MS4A10: variants seen among roughly 807,000 people sequenced by gnomAD.
The protein encoded by MS4A10 is membrane spanning 4-domains A10.
MS4A10 carries 27 observed loss-of-function variants against 27.7 expected under a neutral mutation model. The ratio of observed to expected loss-of-function variants is 0.98; its 90% CI spans 0.72 to 1.35. MS4A10 has a LOEUF of 1.35. MS4A10 is among the 40% of genes most tolerant of loss of function. MS4A10 has a pLI of 0.00. For missense variants in MS4A10, 338 were observed against 324.7 expected, an observed-to-expected ratio of 1.04 and a Z score of -0.32; for synonymous variants, 139 against 131.2, an observed-to-expected ratio of 1.06 and a Z score of -0.41.
chr11:60,794,213 G>T, intron 5 of MS4A10, 110 bp downstream of exon 5: 1 of 1,318,674 alleles, frequency 7.6e-7, no homozygotes, highest in Non-Finnish European at 1.1e-6. Context: ...GCCCAGGTGT[G>T]GGCTGCTGGG....
At position 60,800,927 on chromosome 11, in the gene MS4A10, G is replaced by C. The variant is rs1854626166; in HGVS notation, c.*1018G>C. 4 of 151,544 alleles carry C rather than the reference G, an allele frequency of 2.6e-5. No homozygotes were observed. In the Admixed American group the frequency reaches 2.6e-4, roughly 10 times the overall value. 9.4% of individuals were successfully genotyped at this position (151,544 alleles called of 1,614,324 possible). On this transcript the variant is annotated 3_prime_UTR_variant, in exon 8 of 8. Transcript: ENST00000308287. ...TCCTGCCTCAGCCTCCCGAGTAGCT[G>C]GGATTACAGGCGACCGCCACCACGC...
intron 2 of MS4A10, 61 bp downstream of exon 2, chr11:60,790,579 G>C: frequency 1.3e-6 from 2 of 1,571,586 alleles, no homozygotes; most frequent in Non-Finnish European, 1.7e-6. Flanking sequence ...GATATGAGGA[G>C]GATGCTGGGG....
chr11:60,798,658 A>G (rs548396075), intron 7 of MS4A10, 144 bp downstream of exon 7: 72 of 638,858 alleles, frequency 1.1e-4, no homozygotes, highest in Non-Finnish European at 1.1e-4. Flanking sequence ...CTGGCCTGGG[A>G]GTGGTAGCCA....
chr11:60,798,394 A>C lies in MS4A10; in HGVS notation c.604-2A>C. ...GCAGGGGCGGCGACTTTTCTTTCGCAGAATGATGATGCATGCCTTGTTCCG... is the reference window on the plus strand; with the variant it reads ...GCAGGGGCGGCGACTTTTCTTTCGCCGAATGATGATGCATGCCTTGTTCCG... On this transcript the variant is annotated splice_acceptor_variant, in intron 6 of 7. Coordinates refer to ENST00000308287, the MANE Select transcript of MS4A10 (RefSeq NM_206893.4). LOFTEE classifies it high-confidence loss of function. 2.5e-6 allele frequency: 4 copies of C among 1,612,436 alleles called. No individual in the cohort carries two copies. Among genetic ancestry groups the C allele is most frequent in the Non-Finnish European group, 1.7e-6 (2 of 1,178,738 alleles).
Position 60,791,076 on chromosome 11 carries a change from T to C in MS4A10, c.286T>C (p.Phe96Leu). 1 of 1,614,066 alleles carries C rather than the reference T, an allele frequency of 6.2e-7. No homozygotes were observed. Among genetic ancestry groups the C allele is most frequent in the Non-Finnish European group, 8.5e-7 (1 of 1,179,978 alleles). Residue 96 changes from phenylalanine to leucine, a missense_variant, in exon 3 of 8, where the codon TTC becomes CTC. Transcript: ENST00000308287. ...HLVVLKSWYPFWGAASFLISG... is the reference protein window; with the variant it reads ...HLVVLKSWYPLWGAASFLISG... ...GGTGGTGCTGAAGTCTTGGTATCCA[T>C]TCTGGGGGGCTGCCTCTGTGAGTAG...
At chr11:60,788,795 C>A (rs891758398) in intron 1 of MS4A10, among the ~76,000 whole-genome samples, 1 of 152,356 alleles carries the variant, frequency 6.6e-6, no homozygotes, top group East Asian at 1.9e-4. Context: ...CCCAGCAGCC[C>A]AGGCCCAGAG....
intron 4 of MS4A10, 53 bp downstream of exon 4, chr11:60,792,374 G>T: frequency 7.4e-7 from 1 of 1,342,952 alleles, no homozygotes. Context: ...GCATAACTTT[G>T]TTAAGGGCAT....
rs117619803 is a variant in MS4A10, at chr11:60,800,018, G to A, written c.*109G>A. On this transcript the variant is annotated 3_prime_UTR_variant, in exon 8 of 8. Transcript: ENST00000308287. ...ATTTGCACATACAAAAGGCTAGAGC[G>A]ATGGTCTATACAGCAAAGTCAGCCC... is the stretch of plus-strand genomic sequence containing the variant. 0.013 allele frequency: 20,089 copies of A among 1,564,346 alleles called. 156 individuals are homozygous for A. Among genetic ancestry groups the A allele is most frequent in the Non-Finnish European group, 0.015 (17,564 of 1,148,666 alleles).
chr11:60,800,173 T>C lies in MS4A10; in HGVS notation c.*264T>C. The C allele has an allele frequency of 2.1e-6, 1 of 486,298 alleles. No individual in the cohort carries two copies. The highest frequency in any genetic ancestry group is 3.7e-6 in the Non-Finnish European group (1 of 272,140). 30.1% of individuals were successfully genotyped at this position (486,298 alleles called of 1,614,324 possible). On this transcript the variant is annotated 3_prime_UTR_variant, in exon 8 of 8. Transcript: ENST00000308287. Reference sequence around the variant, plus strand: ...TTTGTTTTCTTTTGTTTTGTTGAGATGGAGTCTCGCTCTGTTGCCCAGCCC... The same window carrying C: ...TTTGTTTTCTTTTGTTTTGTTGAGACGGAGTCTCGCTCTGTTGCCCAGCCC...
At chr11:60,794,783 C>A (rs936412779) in intron 5 of MS4A10, among the ~76,000 whole-genome samples, 1 of 152,184 alleles carries the variant, frequency 6.6e-6, no homozygotes, top group Non-Finnish European at 1.5e-5. Flanking sequence ...TCAAGCAATT[C>A]TCCTGCCTCA....
At chr11:60,791,161 T>TTGGGACAGGATGCAGGG in intron 3 of MS4A10, 68 bp downstream of exon 3, 3 of 1,594,238 alleles carry the variant, frequency 1.9e-6, no homozygotes, top group Non-Finnish European at 2.6e-6. Flanking sequence ...GCCCTGGCAT[T>TTGGGACAGGATGCAGGG]TGGGACAGGA....
At chr11:60,793,873 C>A in intron 4 of MS4A10, 99 bp from the exon 5 acceptor site, 3 of 1,382,590 alleles carry the variant, frequency 2.2e-6, no homozygotes, top group Non-Finnish European at 3.0e-6. Context: ...CAGAGTCTCT[C>A]CTGAGGCTAC....
intron 5 of MS4A10, among the ~76,000 whole-genome samples, chr11:60,794,712 G>A (rs1277876949): frequency 6.6e-6 from 1 of 151,962 alleles, no homozygotes; most frequent in Non-Finnish European, 1.5e-5. Context: ...TCTCACTCTT[G>A]TCACCCAGGC....
Position 60,799,987 on chromosome 11 carries a change from G to C in MS4A10, c.*78G>C. ...CCCAAAGTTGCACTTTCACTGGGAA[G>C]ATGAGATTTGCACATACAAAAGGCT... On this transcript the variant is annotated 3_prime_UTR_variant, in exon 8 of 8. Coordinates refer to ENST00000308287, the MANE Select transcript of MS4A10 (RefSeq NM_206893.4). 1 of 1,609,332 alleles carries C rather than the reference G, an allele frequency of 6.2e-7. No individual in the cohort carries two copies. Among genetic ancestry groups the C allele is most frequent in the South Asian group, 1.1e-5 (1 of 90,648 alleles).
rs751330728 is a variant in MS4A10 at position 60,790,313 on chromosome 11, G to A, written c.-22-1G>A. 1.4e-5 allele frequency: 23 copies of A among 1,612,422 alleles called. 1 individual carries two copies. The South Asian group carries it at 2.3e-4, about 16-fold the overall frequency. On this transcript the variant is annotated splice_acceptor_variant, in intron 1 of 7. Coordinates refer to ENST00000308287, the MANE Select transcript of MS4A10 (RefSeq NM_206893.4). LOFTEE classifies it low-confidence loss of function (5UTR_SPLICE). ...TGACGGCCTTCCTCCCCGTCCTGCA[G>A]CCAGGGCCCCCATCCAGCATCAATG... is the stretch of plus-strand genomic sequence containing the variant.
Position 60,798,094 on chromosome 11 carries a change from C to CT in MS4A10, c.604-301dup, listed in dbSNP as rs1854561156. ...GGACTTGGGTCATGGCCCAGCCCCC[C>CT]TCAGGAAACCCAACAGGGTGAGTGA... On this transcript the variant is annotated intron_variant, in intron 6 of 7. Coordinates refer to ENST00000308287, the MANE Select transcript of MS4A10 (RefSeq NM_206893.4). 2.0e-5 allele frequency among the ~76,000 whole-genome samples: 3 copies of CT among 152,358 alleles called. No individual in the cohort carries two copies. The South Asian group carries it at 6.2e-4, about 32-fold the overall frequency.
rs1025582580 is a variant in MS4A10 at position 60,801,064 on chromosome 11, T to G, written c.*1155T>G. 1 of 152,208 alleles carries G rather than the reference T, an allele frequency of 6.6e-6. No individual in the cohort carries two copies. Among genetic ancestry groups the G allele is most frequent in the East Asian group, 1.9e-4 (1 of 5,194 alleles). 9.4% of individuals were successfully genotyped at this position (152,208 alleles called of 1,614,324 possible). A position where few individuals can be genotyped will look rare whatever the true frequency, so the allele number is the denominator to read the frequency against. On this transcript the variant is annotated 3_prime_UTR_variant, in exon 8 of 8. Transcript: ENST00000308287. Reference sequence around the variant, plus strand: ...ACCTTGGCCTCCCAAAGTGCTAGGATTACAGGCATGAGCCACCACCCCTGG... The same window carrying G: ...ACCTTGGCCTCCCAAAGTGCTAGGAGTACAGGCATGAGCCACCACCCCTGG...
intron 5 of MS4A10, 53 bp downstream of exon 5, chr11:60,794,156 G>T: frequency 6.2e-7 from 1 of 1,608,354 alleles, no homozygotes; most frequent in South Asian, 1.1e-5. Context: ...TGCTGCCTTG[G>T]ATTTGGCCAA....
At chr11:60,793,599 A>G (rs1259847907) in intron 4 of MS4A10, among the ~76,000 whole-genome samples, 1 of 152,198 alleles carries the variant, frequency 6.6e-6, no homozygotes, top group Non-Finnish European at 1.5e-5. Flanking sequence ...ATGAGGGGTC[A>G]CCTGGGTGTC....
Sources: allele counts gnomAD v4.1 joint callset (sites outside exome capture counted in the v4.1 genomes callset), GRCh38; gene constraint gnomAD v4.1.1; transcripts MANE v1.5; gene names NCBI Gene and HGNC (gene_info 2026-07-23, HGNC 2026-07-21).